The following LTBP2 variants were observed in gnomAD, a reference collection of about 807,000 sequenced individuals.
LTBP2 encodes latent-transforming growth factor beta-binding protein 2.
LTBP2 carries 103 observed loss-of-function variants against 210.6 expected under a neutral mutation model. The ratio of observed to expected loss-of-function variants is 0.49; its 90% CI spans 0.42 to 0.58. LTBP2 has a LOEUF of 0.58. Among genes scored for constraint, LTBP2 ranks in the 20% least tolerant of loss-of-function variants. The pLI, the probability that LTBP2 is intolerant of heterozygous loss-of-function variation, is 0.00. For synonymous variants in LTBP2, 1,007 were observed against 1,015.0 expected (o/e 0.99, Z 0.15); for missense variants, 2,313 against 2,494.5 (o/e 0.93, Z 1.55).
intron 17 of LTBP2, among the ~76,000 whole-genome samples, chr14:74,521,035 G>A (rs928231209): frequency 2.0e-5 from 3 of 152,186 alleles, no homozygotes; most frequent in East Asian, 1.9e-4. Context: ...CCGCTCCTCC[G>A]TTAAGTTAGG....
chr14:74,546,943 G>C (rs2087584619), intron 8 of LTBP2, among the ~76,000 whole-genome samples: 1 of 152,234 alleles, frequency 6.6e-6, no homozygotes, highest in African/African-American at 2.4e-5. Context: ...CCCACTCTCA[G>C]AAGTGCTTCC....
At chr14:74,506,426 C>G (rs2086985872) in intron 27 of LTBP2, among the ~76,000 whole-genome samples, 1 of 152,224 alleles carries the variant, frequency 6.6e-6, no homozygotes, top group South Asian at 2.1e-4. Context: ...GGTTACCCCT[C>G]AGTGCACATT....
chr14:74,523,058 A>G (rs1298494646), intron 15 of LTBP2, 140 bp from the exon 16 acceptor site: 5 of 1,036,860 alleles, frequency 4.8e-6, no homozygotes, highest in Non-Finnish European at 7.0e-6. Flanking sequence ...TCCCATACCC[A>G]TGCACAGCTT....
At position 74,555,651 on chromosome 14, in the gene LTBP2, G is replaced by T; in HGVS notation, c.873C>A (p.His291Gln). ...GTCGGACAGTGCGGGACAACCCCAC[G>T]TGCTGCTGGGAAGGGTGGGTCTGGC... The part of the protein sequence containing the change: ...GLSQTHPSQQ[H>Q]VGLSRTVRLH... The change falls in exon 4 of 36, where the codon CAC (histidine) becomes CAA (glutamine). Residue 291 changes from histidine (H) to glutamine (Q), a missense_variant. Coordinates refer to ENST00000261978, the MANE Select transcript of LTBP2 (RefSeq NM_000428.3). 1 of 1,579,730 alleles carries T rather than the reference G, an allele frequency of 6.3e-7. No homozygotes were observed. Among genetic ancestry groups the T allele is most frequent in the Non-Finnish European group, 8.6e-7 (1 of 1,158,558 alleles).
intron 8 of LTBP2, 36 bp from the exon 9 acceptor site, chr14:74,536,036 G>A (rs568126186): frequency 4.3e-5 from 67 of 1,569,848 alleles, no homozygotes; most frequent in African/African-American, 9.5e-5. Context: ...CTCACTGGAC[G>A]GCCCCTGGGC....
intron 8 of LTBP2, among the ~76,000 whole-genome samples, chr14:74,548,833 G>A (rs920422044): frequency 3.3e-5 from 5 of 152,228 alleles, no homozygotes; most frequent in East Asian, 1.9e-4. Flanking sequence ...AGAGACTGAC[G>A]CAGAGAGAGG....
At position 74,611,956 on chromosome 14, in the gene LTBP2, G is replaced by A; in HGVS notation, c.-12C>T. On this transcript the variant is annotated 5_prime_UTR_variant, in exon 1 of 36. Transcript: ENST00000261978. ...GTCCGCGGCCTCATGGCGCGGGGCG[G>A]CTGGAGAGTGGTGCGCGCGGGCACC... 6.4e-7 allele frequency: 1 copy of A among 1,562,762 alleles called. No individual in the cohort carries two copies. Among genetic ancestry groups the A allele is most frequent in the Non-Finnish European group, 8.6e-7 (1 of 1,160,516 alleles).
At chr14:74,530,129 A>G (rs937207716) in intron 10 of LTBP2, among the ~76,000 whole-genome samples, 5 of 152,192 alleles carry the variant, frequency 3.3e-5, no homozygotes, top group African/African-American at 1.2e-4. Context: ...ATATTCTCGT[A>G]TCATCACTCT....
At position 74,499,337 on chromosome 14, in the gene LTBP2, A is replaced by C. The variant is rs1322947041; in HGVS notation, c.*1547T>G. On this transcript the variant is annotated 3_prime_UTR_variant, in exon 36 of 36. Coordinates refer to ENST00000261978, the MANE Select transcript of LTBP2 (RefSeq NM_000428.3). ...AAATTATTTAAGCTTTCTATGTCTC[A>C]GTTTCCTCACCTGTAAATTGAGAAT... The C allele has an allele frequency of 4.5e-6, 1 of 221,940 alleles. No homozygotes were observed. The highest frequency in any genetic ancestry group is 9.0e-6 in the Non-Finnish European group (1 of 110,772). The allele number at this position is 221,940 out of a possible 1,614,324, so 13.7% of individuals were successfully genotyped here. A position where few individuals can be genotyped will look rare whatever the true frequency, so the allele number is the denominator to read the frequency against.
intron 9 of LTBP2, 85 bp from the exon 10 acceptor site, chr14:74,532,633 C>T: frequency 1.3e-6 from 2 of 1,489,132 alleles, no homozygotes; most frequent in Non-Finnish European, 1.8e-6. Context: ...TTCAAATACT[C>T]TCTCCAGATA....
At chr14:74,532,026 C>A (rs2087356387) in intron 10 of LTBP2, among the ~76,000 whole-genome samples, 1 of 152,198 alleles carries the variant, frequency 6.6e-6, no homozygotes, top group Non-Finnish European at 1.5e-5. Context: ...TATGGACAGC[C>A]CTTCTGGAAA....
intron 2 of LTBP2, among the ~76,000 whole-genome samples, chr14:74,590,773 GAGCTAAGCTAGCTA>G (rs58040698): frequency 6.6e-6 from 1 of 151,874 alleles, no homozygotes; most frequent in Non-Finnish European, 1.5e-5. Context: ...TTACAAGTGG[GAGCTAAGCTAGCTA>G]AGCTATGGGT....
In LTBP2 at chr14:74,502,834, G is replaced by A. The variant is rs1338425862; in HGVS notation, c.4989C>T (p.Asp1663=). ...PGYEYGPGPD[D]LHYSIYGPDG... is the part of the protein sequence containing the mutation. ...CTGGGCCATAGATGCTGTAGTGCAGGTCATCGGGCCCGGGGCCATACTCAT... is the reference window on the plus strand; with the variant it reads ...CTGGGCCATAGATGCTGTAGTGCAGATCATCGGGCCCGGGGCCATACTCAT... The change falls in exon 34 of 36, where the codon GAC becomes GAT. Residue 1663 remains aspartate, a synonymous_variant. Coordinates refer to ENST00000261978, the MANE Select transcript of LTBP2 (RefSeq NM_000428.3). 1.9e-6 allele frequency: 3 copies of A among 1,614,034 alleles called. No homozygotes were observed. The African/African-American group carries it at 4.0e-5, about 22-fold the overall frequency.
At chr14:74,598,060 G>T (rs1209433445) in intron 2 of LTBP2, among the ~76,000 whole-genome samples, 1 of 152,162 alleles carries the variant, frequency 6.6e-6, no homozygotes, top group Non-Finnish European at 1.5e-5. Context: ...TCTGACATAT[G>T]GGGAAACTGA....
In LTBP2 at chr14:74,552,932, C is replaced by T. The variant is rs1247292387; in HGVS notation, c.1152G>A (p.Gln384=). 6.2e-7 allele frequency: 1 copy of T among 1,613,806 alleles called. No homozygotes were observed. Among genetic ancestry groups the T allele is most frequent in the Admixed American group, 1.7e-5 (1 of 59,964 alleles). The change falls in exon 5 of 36, where the codon CAG becomes CAA. Residue 384 remains glutamine, a synonymous_variant. Coordinates refer to ENST00000261978, the MANE Select transcript of LTBP2 (RefSeq NM_000428.3). ...ACTTGGGATCGTGCCCATGGCCGCCCTGGCTGTACAGGGTGGTGGTGTCGC... is the reference window on the plus strand; with the variant it reads ...ACTTGGGATCGTGCCCATGGCCGCCTTGGCTGTACAGGGTGGTGGTGTCGC... ...ERGDTTTLYS[Q]GGHGHDPKSG... is the part of the protein sequence containing the mutation.
rs116738303 is a variant in LTBP2 at position 74,501,668 on chromosome 14, T to C, written c.5171-78A>G. 1.8e-3 allele frequency: 2,806 copies of C among 1,588,062 alleles called. 48 individuals are homozygous for C. In the African/African-American group the frequency reaches 0.032, roughly 18 times the overall value. On this transcript the variant is annotated intron_variant, in intron 34 of 35. Coordinates refer to ENST00000261978, the MANE Select transcript of LTBP2 (RefSeq NM_000428.3). ...TCCCTAATGCTGGGACCCTCGCCCT[T>C]CTGGACAAAGGGTGCCCCTGTGGAA...
intron 25 of LTBP2, 127 bp from the exon 26 acceptor site, chr14:74,507,437 C>A: frequency 7.7e-7 from 1 of 1,295,718 alleles, no homozygotes. Context: ...CATCCCAACC[C>A]CAGCACATCA....
intron 3 of LTBP2, among the ~76,000 whole-genome samples, chr14:74,561,976 G>A (rs761043870): frequency 1.6e-4 from 25 of 152,124 alleles, no homozygotes; most frequent in Non-Finnish European, 1.2e-4. Context: ...TTGGGAGGCC[G>A]AGGCGGATGG....
chr14:74,539,329 G>A (rs1221283941), intron 8 of LTBP2, among the ~76,000 whole-genome samples: 1 of 152,196 alleles, frequency 6.6e-6, no homozygotes, highest in Non-Finnish European at 1.5e-5. Context: ...ACCTTCCACT[G>A]TGCTTCTCTA....
Sources: allele counts gnomAD v4.1 joint callset (sites outside exome capture counted in the v4.1 genomes callset), GRCh38; gene constraint gnomAD v4.1.1; transcripts MANE v1.5; gene names NCBI Gene and HGNC (gene_info 2026-07-23, HGNC 2026-07-21).